The following HAUS7 variants were observed in gnomAD, a reference collection of about 807,000 sequenced individuals.
The protein encoded by HAUS7 is HAUS augmin like complex subunit 7.
Under a neutral mutation model 28.4 loss-of-function variants are expected in HAUS7, and 3 were observed. The observed-to-expected ratio is 0.11, with a 90% CI of 0.05 to 0.27. HAUS7 has a LOEUF of 0.27. HAUS7 is among the 10% of genes least tolerant of loss of function. The probability of loss-of-function intolerance (pLI) is 1.00; values close to 1 mark genes in which losing one functional copy is unlikely to be tolerated. For missense variants in HAUS7, 284 were observed against 297.3 expected, an observed-to-expected ratio of 0.96 and a Z score of 0.33; for synonymous variants, 165 against 132.1, an observed-to-expected ratio of 1.25 and a Z score of -1.71.
At chrX:153,471,905 C>G (rs1374693017), upstream of HAUS7, among the ~76,000 whole-genome samples, 2 of 112,765 alleles carry the variant, frequency 1.8e-5, no homozygotes, top group African/African-American at 6.4e-5. Context: ...TCAGGCCCTT[C>G]TGGTAGCTGA....
At chrX:153,476,806 C>T (rs2089565080) in intron 1 of HAUS7, among the ~76,000 whole-genome samples, 1 of 111,368 alleles carries the variant, frequency 9.0e-6, no homozygotes, top group Non-Finnish European at 1.9e-5. Context: ...AGCCCTCCCA[C>T]CCTCTGCTCC....
intron 8 of HAUS7, 181 bp from the exon 9 acceptor site, chrX:153,454,689 CAG>C (rs1190882742): frequency 4.2e-6 from 2 of 475,723 alleles, no homozygotes; most frequent in East Asian, 7.4e-5. Flanking sequence ...AGTCACCAAT[CAG>C]AGTTCTCGGA....
At chrX:153,458,237 T>A (rs1320712518) in intron 4 of HAUS7, among the ~76,000 whole-genome samples, 1 of 113,031 alleles carries the variant, frequency 8.8e-6, no homozygotes, top group Non-Finnish European at 1.9e-5. Context: ...TGCGAGAAGC[T>A]CAGGGCACCC....
At chrX:153,484,782 G>A (rs1044465508) in intron 1 of HAUS7, among the ~76,000 whole-genome samples, 6 of 113,108 alleles carry the variant, frequency 5.3e-5, no homozygotes, top group East Asian at 2.8e-4. Flanking sequence ...TTCCACTCCC[G>A]CCACGAGGCC....
intron 9 of HAUS7, among the ~76,000 whole-genome samples, chrX:153,449,174 A>C (rs1253802927): frequency 5.4e-5 from 6 of 111,437 alleles, no homozygotes; most frequent in Non-Finnish European, 5.7e-5. Context: ...TCCGCTCCCC[A>C]TCCGTGGCCC....
intron 1 of HAUS7, among the ~76,000 whole-genome samples, chrX:153,490,269 C>T (rs782277963): frequency 8.7e-4 from 98 of 113,194 alleles, no homozygotes; most frequent in African/African-American, 2.7e-3. Context: ...CAGGCCTCCC[C>T]GGAGCCCCCA....
intron 1 of HAUS7, chrX:153,482,222 C>A: frequency 1.6e-6 from 1 of 626,499 alleles, no homozygotes; most frequent in Non-Finnish European, 1.9e-6. Flanking sequence ...ATGCCACCAA[C>A]AGAGTGCCCT....
rs782818252 is a variant in HAUS7, at chrX:153,455,696, C to T, written c.776G>A (p.Arg259His). 3.4e-5 allele frequency: 41 copies of T among 1,202,593 alleles called. No homozygotes were observed. The highest frequency in any genetic ancestry group is 4.5e-5 in the Non-Finnish European group (40 of 888,084). Reference protein sequence around the residue: ...ADISTLDQKLRLVTSDFHQLI... With the variant: ...ADISTLDQKLHLVTSDFHQLI... The stretch of plus-strand genomic sequence containing the variant: ...CTGGTGGAAGTCGGAAGTGACCAGA[C>T]GCAGCTTCTGGTCTAGGGTGCTGAT... Residue 259 changes from arginine to histidine, a missense_variant, in exon 8 of 10, where the codon CGT becomes CAT. By Grantham distance (29) the Arg-to-His change is conservative (BLOSUM62 0). Transcript: ENST00000370211.
At chrX:153,481,310 G>A (rs1357975717) in intron 1 of HAUS7, 5 of 717,306 alleles carry the variant, frequency 7.0e-6, no homozygotes, top group Non-Finnish European at 1.6e-6. Flanking sequence ...CTGTTCCTCA[G>A]TAGGGCCCCT....
chrX:153,493,631 C>T (rs1443253448), intron 1 of HAUS7, among the ~76,000 whole-genome samples: 1 of 112,147 alleles, frequency 8.9e-6, no homozygotes, highest in Non-Finnish European at 1.9e-5. Flanking sequence ...TTCTCCCTGG[C>T]CCAGTCTAGA....
At position 153,456,664 on chromosome X, in the gene HAUS7, C is replaced by G; in HGVS notation, c.447-13G>C. 8.6e-7 allele frequency: 1 copy of G among 1,157,770 alleles called. No homozygotes were observed. The highest frequency in any genetic ancestry group is 2.5e-5 in the Admixed American group (1 of 39,418). On this transcript the variant is annotated splice_polypyrimidine_tract_variant and intron_variant, in intron 5 of 9. Transcript: ENST00000370211. ...GTGCTCCATCAGGCTGCAAAGGCAG[C>G]CCCCAGGGCCACACCGTCACAGGCC... is the stretch of plus-strand genomic sequence containing the variant.
At chrX:153,478,909 C>T (rs2089580032) in intron 1 of HAUS7, among the ~76,000 whole-genome samples, 3 of 112,564 alleles carry the variant, frequency 2.7e-5, no homozygotes, top group South Asian at 7.3e-4. Flanking sequence ...TCAGGCCTGC[C>T]ACGTGTGAGA....
At chrX:153,478,160 C>T (rs570382383) in intron 1 of HAUS7, among the ~76,000 whole-genome samples, 43 of 112,826 alleles carry the variant, frequency 3.8e-4, no homozygotes, top group African/African-American at 1.1e-3. Flanking sequence ...CCTGAAGAGC[C>T]GAGCCAGCGG....
chrX:153,476,868 A>T, intron 1 of HAUS7, among the ~76,000 whole-genome samples: 1 of 109,985 alleles, frequency 9.1e-6, no homozygotes, highest in Middle Eastern at 4.6e-3. Context: ...GTCTCAGCAC[A>T]AGTCCGTCAG....
intron 7 of HAUS7, among the ~76,000 whole-genome samples, chrX:153,456,030 C>T (rs1033035073): frequency 1.8e-5 from 2 of 112,550 alleles, no homozygotes; most frequent in East Asian, 2.8e-4. Context: ...GGACCACGTG[C>T]GGCAAGGCAC....
At chrX:153,456,470 C>A in intron 6 of HAUS7, 23 bp downstream of exon 6, 2 of 1,180,321 alleles carry the variant, frequency 1.7e-6, no homozygotes. Context: ...GGTGCTGCCA[C>A]TGAGGCCTCC....
intron 1 of HAUS7, chrX:153,485,813 G>T: frequency 1.1e-6 from 1 of 901,477 alleles, no homozygotes; most frequent in Non-Finnish European, 1.4e-6. Context: ...GCTGGTGCAC[G>T]TGCCCCGCTT....
In HAUS7 at chrX:153,469,236, C is replaced by A. The variant is rs781873748; in HGVS notation, c.134G>T (p.Gly45Val). 9.4e-6 allele frequency: 11 copies of A among 1,171,464 alleles called. No individual in the cohort carries two copies. The highest frequency in any genetic ancestry group is 2.2e-5 in the Admixed American group (1 of 45,755). ...TGTCTTTGGCTCTGTGATATACAGA[C>A]CCTCGAGGAAGGGGCAGTTTAGGTC... ...LKDLNCPFLE[G>V]LYITEPKTIQ... is the part of the protein sequence containing the mutation. Residue 45 changes from glycine (G) to valine (V), a missense_variant, in exon 2 of 10, where the codon GGT (glycine) becomes GTT (valine). Physicochemically the swap from Gly to Val is moderately radical, Grantham distance 109. Transcript: ENST00000370211.
intron 1 of HAUS7, among the ~76,000 whole-genome samples, chrX:153,489,791 C>T (rs1272002256): frequency 8.9e-6 from 1 of 112,719 alleles, no homozygotes; most frequent in African/African-American, 3.2e-5. Context: ...CTCCAACTGC[C>T]CCTCACTGGC....
Sources: gnomAD v4.1 joint callset for allele counts (sites outside exome capture counted in the v4.1 genomes callset) on GRCh38, gnomAD v4.1.1 for gene constraint, MANE v1.5 for transcripts, NCBI Gene and HGNC (gene_info 2026-07-23, HGNC 2026-07-21) for gene names.